The following PTPRT variants were observed in gnomAD, a reference collection of about 807,000 sequenced individuals.
PTPRT encodes the protein protein tyrosine phosphatase receptor type T.
A neutral mutation model predicts 176.8 loss-of-function variants in PTPRT; 56 were observed. That is an observed-to-expected ratio of 0.32 (90% CI 0.26 to 0.40). The LOEUF (loss-of-function observed/expected upper bound fraction) is 0.40. Ranked by LOEUF, PTPRT falls within the 10% of genes least tolerant of loss-of-function variation. The probability of loss-of-function intolerance (pLI) is 1.00; values close to 1 mark genes in which losing one functional copy is unlikely to be tolerated. For synonymous variants in PTPRT, 783 were observed against 739.0 expected (o/e 1.06, Z -0.96); for missense variants, 1,540 against 1,908.2 (o/e 0.81, Z 3.60).
chr20:42,390,962 C>T (rs777470703), intron 9 of PTPRT, among the ~76,000 whole-genome samples: 9 of 151,972 alleles, frequency 5.9e-5, no homozygotes, highest in South Asian at 2.1e-4. Context: ...AGGTTTACTC[C>T]GATGTTATAA....
intron 26 of PTPRT, among the ~76,000 whole-genome samples, chr20:42,099,817 T>TG (rs552600202): frequency 0.49 from 73,825 of 151,554 alleles, 19,542 homozygotes; most frequent in African/African-American, 0.71. Context: ...GTGCATTGGC[T>TG]GGGGGGGCCC....
chr20:42,877,380 G>C (rs1236435118), intron 2 of PTPRT, among the ~76,000 whole-genome samples: 1 of 152,042 alleles, frequency 6.6e-6, no homozygotes, highest in Non-Finnish European at 1.5e-5. Flanking sequence ...TGAGCAGCTG[G>C]CATCTTCACC....
At chr20:42,297,536 C>G (rs1038640546) in intron 12 of PTPRT, among the ~76,000 whole-genome samples, 2 of 152,060 alleles carry the variant, frequency 1.3e-5, no homozygotes, top group Non-Finnish European at 2.9e-5. Context: ...CAAGTGGACA[C>G]TAAAATTTAT....
intron 12 of PTPRT, among the ~76,000 whole-genome samples, chr20:42,284,252 C>T (rs2057190127): frequency 6.6e-6 from 1 of 151,948 alleles, no homozygotes; most frequent in African/African-American, 2.4e-5. Flanking sequence ...TATTGGGCTT[C>T]TATTAACATA....
intron 8 of PTPRT, among the ~76,000 whole-genome samples, chr20:42,463,426 A>C (rs1601072598): frequency 6.6e-6 from 1 of 152,280 alleles, no homozygotes; most frequent in Admixed American, 6.5e-5. Flanking sequence ...AAGCACACTA[A>C]AATTGCTAAT....
chr20:42,272,850 A>C (rs1038492689), intron 13 of PTPRT, among the ~76,000 whole-genome samples: 1 of 152,072 alleles, frequency 6.6e-6, no homozygotes, highest in African/African-American at 2.4e-5. Flanking sequence ...GTCCCATTTA[A>C]ATTCAGTGGC....
chr20:43,154,200 G>A (rs915304943), intron 1 of PTPRT, among the ~76,000 whole-genome samples: 6 of 152,084 alleles, frequency 3.9e-5, no homozygotes, highest in African/African-American at 7.2e-5. Flanking sequence ...TTTTGTACAC[G>A]GTGAGAGATA....
At chr20:43,139,558 A>G (rs749484587) in intron 1 of PTPRT, among the ~76,000 whole-genome samples, 7 of 152,188 alleles carry the variant, frequency 4.6e-5, no homozygotes, top group Non-Finnish European at 8.8e-5. Flanking sequence ...GAGGCTGGAA[A>G]ATTCTAATTT....
intron 8 of PTPRT, among the ~76,000 whole-genome samples, chr20:42,466,580 T>C (rs1056532097): frequency 6.6e-6 from 1 of 152,196 alleles, no homozygotes; most frequent in East Asian, 1.9e-4. Context: ...AACTATTTTA[T>C]GTGTGTTTCA....
intron 1 of PTPRT, among the ~76,000 whole-genome samples, chr20:42,911,919 C>A (rs180849239): frequency 6.6e-6 from 1 of 150,614 alleles, no homozygotes; most frequent in African/African-American, 2.4e-5. Flanking sequence ...TTCTAAAACC[C>A]AATTTTAATG....
chr20:42,769,905 T>C (rs6072866), intron 5 of PTPRT, among the ~76,000 whole-genome samples: 37,737 of 151,904 alleles, frequency 0.25, 5,269 homozygotes, highest in African/African-American at 0.38. Flanking sequence ...CTAGAACATA[T>C]AAGCTAATAC....
At chr20:42,350,789 C>A in intron 10 of PTPRT, 59 bp from the exon 11 acceptor site, 1 of 1,267,994 alleles carries the variant, frequency 7.9e-7, no homozygotes, top group South Asian at 1.2e-5. Context: ...TGGCTCCCCA[C>A]CGCCCCTTGC....
chr20:42,745,830 C>G (rs1395350688), intron 6 of PTPRT, among the ~76,000 whole-genome samples: 2 of 152,196 alleles, frequency 1.3e-5, no homozygotes, highest in Non-Finnish European at 2.9e-5. Flanking sequence ...CTGTGTGACT[C>G]TGATGAGACT....
intron 1 of PTPRT, among the ~76,000 whole-genome samples, chr20:43,002,069 C>A (rs1469247915): frequency 3.3e-5 from 5 of 152,074 alleles, no homozygotes; most frequent in African/African-American, 4.8e-5. Context: ...GATAGTGAGT[C>A]TCACGAGATC....
chr20:42,110,719 G>T (rs1463358034), intron 22 of PTPRT, among the ~76,000 whole-genome samples: 2 of 152,214 alleles, frequency 1.3e-5, no homozygotes, highest in Non-Finnish European at 2.9e-5. Flanking sequence ...TCAGAGTCTT[G>T]AGTGTGCTCA....
chr20:42,561,817 C>T (rs2072956248), intron 7 of PTPRT, among the ~76,000 whole-genome samples: 1 of 152,290 alleles, frequency 6.6e-6, no homozygotes, highest in African/African-American at 2.4e-5. Context: ...GAGTTTCTGC[C>T]TCAGTTTCCA....
intron 2 of PTPRT, among the ~76,000 whole-genome samples, chr20:42,880,199 CCT>C: frequency 6.6e-6 from 1 of 152,072 alleles, no homozygotes; most frequent in Non-Finnish European, 1.5e-5. Flanking sequence ...AATCACTAGA[CCT>C]AAAGGGAATG....
chr20:42,323,832 C>T (rs2057842125), intron 11 of PTPRT, among the ~76,000 whole-genome samples: 1 of 151,976 alleles, frequency 6.6e-6, no homozygotes, highest in South Asian at 2.1e-4. Flanking sequence ...CTATCACACA[C>T]ACCCATTATA....
intron 7 of PTPRT, among the ~76,000 whole-genome samples, chr20:42,486,486 A>G (rs1215806987): frequency 6.6e-6 from 1 of 152,178 alleles, no homozygotes; most frequent in Non-Finnish European, 1.5e-5. Context: ...CATTGAAAAA[A>G]TAATTTTACC....
Sources: gnomAD v4.1 joint callset for allele counts (sites outside exome capture counted in the v4.1 genomes callset) on GRCh38, gnomAD v4.1.1 for gene constraint, MANE v1.5 for transcripts, NCBI Gene and HGNC (gene_info 2026-07-23, HGNC 2026-07-21) for gene names.